The following LRRFIP2 variants were observed in gnomAD, a reference collection of about 807,000 sequenced individuals.
LRRFIP2 encodes the protein LRR binding FLII interacting protein 2.
In LRRFIP2, 109 loss-of-function variants were observed where a neutral mutation model predicts 125.9. That is an observed-to-expected ratio of 0.87 (90% CI 0.74 to 1.01). LRRFIP2 has a LOEUF of 1.01. Ranked by LOEUF, LRRFIP2 falls within the 50% of genes least tolerant of loss-of-function variation. LRRFIP2 has a pLI of 0.00. For synonymous variants in LRRFIP2, 291 were observed against 293.1 expected (o/e 0.99, Z 0.07); for missense variants, 850 against 862.3 (o/e 0.99, Z 0.18).
intron 20 of LRRFIP2, 45 bp downstream of exon 20, chr3:37,074,979 T>C: frequency 1.5e-6 from 2 of 1,306,080 alleles, no homozygotes; most frequent in Non-Finnish European, 2.2e-6. Flanking sequence ...CCCATTCAAC[T>C]CATTTTTTTT....
At chr3:37,061,408 CTT>C (rs759985322) in intron 24 of LRRFIP2, among the ~76,000 whole-genome samples, 17 of 138,658 alleles carry the variant, frequency 1.2e-4, no homozygotes, top group East Asian at 2.0e-4. Flanking sequence ...TTCTTTTTTC[CTT>C]TTTTTTTTTT....
At chr3:37,147,548 C>T (rs2095888934) in intron 2 of LRRFIP2, among the ~76,000 whole-genome samples, 1 of 152,154 alleles carries the variant, frequency 6.6e-6, no homozygotes, top group South Asian at 2.1e-4. Flanking sequence ...TAGCCTCCTA[C>T]AGCATTTGAC....
At chr3:37,108,769 C>CA in intron 11 of LRRFIP2, 85 bp from the exon 12 acceptor site, 1 of 1,166,096 alleles carries the variant, frequency 8.6e-7, no homozygotes, top group Non-Finnish European at 1.3e-6. Context: ...TACTCAGTAC[C>CA]AAAAAAGTTT....
At chr3:37,090,626 T>C (rs142836244) in intron 18 of LRRFIP2, among the ~76,000 whole-genome samples, 120 of 152,280 alleles carry the variant, frequency 7.9e-4, no homozygotes, top group Non-Finnish European at 1.4e-3. Context: ...GAATGACATG[T>C]GAGGAAAAGA....
chr3:37,168,204 G>C (rs2096536297), intron 1 of LRRFIP2, among the ~76,000 whole-genome samples: 1 of 152,094 alleles, frequency 6.6e-6, no homozygotes, highest in African/African-American at 2.4e-5. Flanking sequence ...CAAAAGAATT[G>C]AATGTGGCAC....
At position 37,127,703 on chromosome 3, in the gene LRRFIP2, A is replaced by C. The variant is rs777333215; in HGVS notation, c.178-23T>G. 2.3e-5 allele frequency: 36 copies of C among 1,596,640 alleles called. No homozygotes were observed. The Admixed American group carries it at 5.7e-4, about 25-fold the overall frequency. On this transcript the variant is annotated intron_variant, in intron 3 of 27. Coordinates refer to ENST00000336686, the MANE Select transcript of LRRFIP2 (RefSeq NM_006309.4). ...GTACTAGAAATGCAAAAATTTCATA[A>C]ACCAAATAGTTTCTAACATATTGCA...
At chr3:37,120,875 G>A (rs1243586535) in intron 6 of LRRFIP2, among the ~76,000 whole-genome samples, 1 of 152,138 alleles carries the variant, frequency 6.6e-6, no homozygotes, top group Non-Finnish European at 1.5e-5. Context: ...GCTTTAAGGT[G>A]TAAAGCATAC....
chr3:37,092,694 G>A (rs965727339), intron 17 of LRRFIP2, among the ~76,000 whole-genome samples: 2 of 152,210 alleles, frequency 1.3e-5, no homozygotes, highest in Non-Finnish European at 2.9e-5. Context: ...GAGCTGGTAA[G>A]AGCTCAATTA....
chr3:37,104,633 GAACAATGTATTTTCCA>G (rs1410008389), intron 14 of LRRFIP2, among the ~76,000 whole-genome samples: 2 of 151,988 alleles, frequency 1.3e-5, no homozygotes, highest in Non-Finnish European at 2.9e-5. Context: ...ATACCATCCG[GAACAATGTATTTTCCA>G]AATCAATTTC....
chr3:37,110,715 A>G (rs1477164556), intron 9 of LRRFIP2, among the ~76,000 whole-genome samples: 1 of 152,230 alleles, frequency 6.6e-6, no homozygotes. Context: ...AATGATAGGT[A>G]TGTGATGTTC....
At chr3:37,084,921 C>T (rs1032810403) in intron 18 of LRRFIP2, among the ~76,000 whole-genome samples, 1 of 151,996 alleles carries the variant, frequency 6.6e-6, no homozygotes, top group Admixed American at 6.5e-5. Context: ...AATACTAGCA[C>T]AAATGTTTAT....
rs1005828032 is a variant in LRRFIP2, at chr3:37,121,615, G to A, written c.285+20C>T. The A allele has an allele frequency of 1.9e-6, 3 of 1,613,984 alleles. No individual in the cohort carries two copies. In the Middle Eastern group the frequency reaches 4.9e-4, roughly 266 times the overall value. ...TAATGAGGAAAAGTATTAGAGGCAA[G>A]TGTATAGGTTATTACAAACCAGATA... On this transcript the variant is annotated intron_variant, in intron 5 of 27. Transcript: ENST00000336686.
intron 1 of LRRFIP2, among the ~76,000 whole-genome samples, chr3:37,155,273 TTAAC>T (rs1489789334): frequency 6.6e-6 from 1 of 152,250 alleles, no homozygotes; most frequent in African/African-American, 2.4e-5. Context: ...GCATTTTGAA[TTAAC>T]TACCTATTTT....
At chr3:37,175,089 T>C (rs558755068), upstream of LRRFIP2, 2 of 152,372 alleles carry the variant, frequency 1.3e-5, no homozygotes, top group South Asian at 2.1e-4. Flanking sequence ...TTCATATAGA[T>C]TTATCCTCAA....
chr3:37,065,188 T>A (rs1274138060), intron 23 of LRRFIP2: 1 of 174,596 alleles, frequency 5.7e-6, no homozygotes, highest in East Asian at 1.4e-4. Flanking sequence ...GATTTCTTTG[T>A]GGGGTCAATG....
chr3:37,135,326 G>A (rs2095530645), intron 2 of LRRFIP2, among the ~76,000 whole-genome samples: 1 of 151,850 alleles, frequency 6.6e-6, no homozygotes, highest in Non-Finnish European at 1.5e-5. Context: ...GGGCATGGTG[G>A]CGTGAACCTG....
intron 4 of LRRFIP2, among the ~76,000 whole-genome samples, chr3:37,126,621 G>A (rs1190652196): frequency 6.6e-6 from 1 of 151,618 alleles, no homozygotes; most frequent in Non-Finnish European, 1.5e-5. Flanking sequence ...CACTTTGAGA[G>A]GCCGAGGCGG....
intron 6 of LRRFIP2, among the ~76,000 whole-genome samples, chr3:37,116,507 TA>T (rs1280475505): frequency 3.9e-5 from 6 of 152,160 alleles, no homozygotes; most frequent in Non-Finnish European, 8.8e-5. Context: ...TAAGTGCAAA[TA>T]TTATTTTGTG....
Position 37,059,144 on chromosome 3 carries a change from T to C in LRRFIP2, c.1750-234A>G, listed in dbSNP as rs543582091. Among the ~76,000 whole-genome samples the C allele has an allele frequency of 5.9e-5, 9 of 152,202 alleles. 1 individual carries two copies. In the South Asian group the frequency reaches 1.4e-3, roughly 25 times the overall value. On this transcript the variant is annotated intron_variant, in intron 24 of 27. Transcript: ENST00000336686. Reference sequence around the variant, plus strand: ...CAGGACCAGGTGTCCCAGTAGAAAATAGCCATATTTTAAATTTGTGTCTGC... The same window carrying C: ...CAGGACCAGGTGTCCCAGTAGAAAACAGCCATATTTTAAATTTGTGTCTGC...
Sources: gnomAD v4.1 joint callset for allele counts (sites outside exome capture counted in the v4.1 genomes callset) on GRCh38, gnomAD v4.1.1 for gene constraint, MANE v1.5 for transcripts, NCBI Gene and HGNC (gene_info 2026-07-23, HGNC 2026-07-21) for gene names.